Variants in GPR139 observed in about 807,000 individuals in gnomAD.
GPR139 encodes G protein-coupled receptor 139.
GPR139 carries 12 observed loss-of-function variants against 25.8 expected under a neutral mutation model. The observed-to-expected ratio is 0.47, with a 90% CI of 0.30 to 0.75. The LOEUF is 0.75. GPR139 is among the 30% of genes least tolerant of loss of function. The probability of loss-of-function intolerance (pLI) is 0.07; values close to 1 mark genes in which losing one functional copy is unlikely to be tolerated. For missense variants in GPR139, 380 were observed against 450.2 expected (o/e 0.84, Z 1.41); for synonymous variants, 184 against 179.9 (o/e 1.02, Z -0.18).
chr16:20,052,142 C>T (rs1402012379), intron 1 of GPR139, among the ~76,000 whole-genome samples: 1 of 152,206 alleles, frequency 6.6e-6, no homozygotes, highest in African/African-American at 2.4e-5. Context: ...GGGCCTTTGC[C>T]TACGCAGTTC....
Position 20,032,631 on chromosome 16 carries a change from C to T in GPR139, c.166G>A (p.Ala56Thr). The T allele has an allele frequency of 2.5e-6, 4 of 1,610,456 alleles. No homozygotes were observed. The highest frequency in any genetic ancestry group is 3.4e-6 in the Non-Finnish European group (4 of 1,176,822). ...LTVIILSQLV[A>T]RRQKSSYNYL... ...TTGTAGGAGGACTTCTGTCTTCTTG[C>T]CACCAGCTGGGAGAGGATGATCACT... Residue 56 changes from alanine (A) to threonine (T), a missense_variant, in exon 2 of 2, where the codon GCA (alanine) becomes ACA (threonine). Physicochemically the swap from Ala to Thr is moderately conservative, Grantham distance 58 (BLOSUM62 0). Coordinates refer to ENST00000570682, the MANE Select transcript of GPR139 (RefSeq NM_001002911.4).
intron 1 of GPR139, among the ~76,000 whole-genome samples, chr16:20,036,570 T>C (rs114298918): frequency 0.018 from 2,687 of 152,232 alleles, 76 homozygotes; most frequent in African/African-American, 0.06. Flanking sequence ...CAGCAAGAGC[T>C]TGTGCAGGGG....
At chr16:20,062,202 A>C (rs552860740) in intron 1 of GPR139, among the ~76,000 whole-genome samples, 58 of 152,322 alleles carry the variant, frequency 3.8e-4, no homozygotes, top group South Asian at 1.5e-3. Flanking sequence ...TTCCCCACTG[A>C]ACTTGTATTT....
chr16:20,048,112 ATAAC>A (rs1280961053), intron 1 of GPR139, among the ~76,000 whole-genome samples: 1 of 152,210 alleles, frequency 6.6e-6, no homozygotes, highest in Non-Finnish European at 1.5e-5. Context: ...AAATGAATGA[ATAAC>A]TATGAATATA....
chr16:20,066,264 G>T (rs1417220749), intron 1 of GPR139, among the ~76,000 whole-genome samples: 1 of 152,206 alleles, frequency 6.6e-6, no homozygotes, highest in African/African-American at 2.4e-5. Context: ...CCACACGGAG[G>T]TTCAGTGGCA....
At position 20,032,644 on chromosome 16, in the gene GPR139, G is replaced by C; in HGVS notation, c.153C>G (p.Leu51=). ...LPANILTVII[L]SQLVARRQKS... ...TCTGTCTTCTTGCCACCAGCTGGGAGAGGATGATCACTGTCAAGATATTTG... is the reference window on the plus strand; with the variant it reads ...TCTGTCTTCTTGCCACCAGCTGGGACAGGATGATCACTGTCAAGATATTTG... Residue 51 remains leucine (L), a synonymous_variant, in exon 2 of 2, where the codon CTC becomes CTG. Transcript: ENST00000570682. 6.2e-7 allele frequency: 1 copy of C among 1,609,166 alleles called. No individual in the cohort carries two copies. Among genetic ancestry groups the C allele is most frequent in the Non-Finnish European group, 8.5e-7 (1 of 1,175,728 alleles).
intron 1 of GPR139, among the ~76,000 whole-genome samples, chr16:20,067,010 G>T (rs555340947): frequency 1.1e-4 from 17 of 152,308 alleles, no homozygotes; most frequent in African/African-American, 4.1e-4. Context: ...CTTTCTTGCA[G>T]ATGGGAAAAC....
chr16:20,072,394 G>A (rs1312943540), intron 1 of GPR139, among the ~76,000 whole-genome samples: 2 of 152,184 alleles, frequency 1.3e-5, no homozygotes, highest in Admixed American at 1.3e-4. Context: ...AGGATCGCAA[G>A]ATGCTAAGGT....
chr16:20,032,174 T>C lies in GPR139; in HGVS notation c.623A>G (p.Tyr208Cys). 6.2e-7 allele frequency: 1 copy of C among 1,614,152 alleles called. No individual in the cohort carries two copies. Among genetic ancestry groups the C allele is most frequent in the Non-Finnish European group, 8.5e-7 (1 of 1,180,024 alleles). Residue 208 changes from tyrosine (Y) to cysteine (C), a missense_variant, in exon 2 of 2, where the codon TAC becomes TGC. Transcript: ENST00000570682. ...IFFILNSIIV[Y>C]KLRRKSNFRL... ...AAAATTGCTCTTCCTCCTGAGCTTG[T>C]ACACAATGATTGAGTTCAAGATGAA...
At chr16:20,062,669 T>C (rs1327025043) in intron 1 of GPR139, among the ~76,000 whole-genome samples, 1 of 152,222 alleles carries the variant, frequency 6.6e-6, no homozygotes, top group African/African-American at 2.4e-5. Flanking sequence ...TGCCTTTTTT[T>C]CCTTAAATTT....
chr16:20,032,026 G>A lies in GPR139; in HGVS notation c.771C>T (p.Ile257=), dbSNP rs201081294. ...MILYHLYGAP[I]QNRWLVHIMS... Reference sequence around the variant, plus strand: ...TGATGTGTACCAGCCAGCGGTTCTGGATGGGCGCCCCATAGAGGTGGTAAA... The same window carrying A: ...TGATGTGTACCAGCCAGCGGTTCTGAATGGGCGCCCCATAGAGGTGGTAAA... Residue 257 remains isoleucine, a synonymous_variant, in exon 2 of 2, where the codon ATC becomes ATT. Coordinates refer to ENST00000570682, the MANE Select transcript of GPR139 (RefSeq NM_001002911.4). 1 of 1,614,218 alleles carries A rather than the reference G, an allele frequency of 6.2e-7. No homozygotes were observed. The highest frequency in any genetic ancestry group is 2.2e-5 in the East Asian group (1 of 44,878).
At position 20,029,545 on chromosome 16, in the gene GPR139, G is replaced by A. The variant is rs1022611956; in HGVS notation, c.*2190C>T. On this transcript the variant is annotated 3_prime_UTR_variant, in exon 2 of 2. Transcript: ENST00000570682. ...TTTGGTCAATGTCCATTCATAAGGG[G>A]GTGTAGTGGCGTTGCATCACACACA... is the stretch of plus-strand genomic sequence containing the variant. 6.6e-6 allele frequency among the ~76,000 whole-genome samples: 1 copy of A among 151,330 alleles called. No individual in the cohort carries two copies. Among genetic ancestry groups the A allele is most frequent in the Non-Finnish European group, 1.5e-5 (1 of 67,892 alleles).
chr16:20,053,218 T>C (rs2057378315), intron 1 of GPR139, among the ~76,000 whole-genome samples: 1 of 152,130 alleles, frequency 6.6e-6, no homozygotes, highest in African/African-American at 2.4e-5. Flanking sequence ...AGAGGGGGCA[T>C]GGGGAACATT....
chr16:20,072,818 T>C (rs903895710), intron 1 of GPR139, among the ~76,000 whole-genome samples: 2 of 152,212 alleles, frequency 1.3e-5, no homozygotes, highest in Non-Finnish European at 2.9e-5. Flanking sequence ...AAGGAGACTG[T>C]GACCCCCTGA....
In GPR139 at chr16:20,028,836, G is replaced by A. The variant is rs2057276804; in HGVS notation, c.*2899C>T. On this transcript the variant is annotated 3_prime_UTR_variant, in exon 2 of 2. Transcript: ENST00000570682. ...AGCTAGTTAACTGTCTTTGAAAGAG[G>A]CACCACAAAAACCCACGATAAGGCA... Among the ~76,000 whole-genome samples the A allele has an allele frequency of 6.6e-6, 1 of 152,050 alleles. No individual in the cohort carries two copies. Among genetic ancestry groups the A allele is most frequent in the Admixed American group, 6.5e-5 (1 of 15,272 alleles).
Position 20,031,753 on chromosome 16 carries a change from AG to A in GPR139, c.1043del (p.Pro348LeufsTer2). On this transcript the variant is annotated frameshift_variant, in exon 2 of 2. Coordinates refer to ENST00000570682, the MANE Select transcript of GPR139 (RefSeq NM_001002911.4). LOFTEE classifies it high-confidence loss of function. ...LVYQYDKNGK[P>X]IKVSP is the part of the protein sequence containing the mutation. ...TATGGAATCACGGGGATACTTTTAT[AG>A]GTTTTCCATTTTTGTCATACTGGTA... 1.2e-6 allele frequency: 2 copies of A among 1,613,928 alleles called. No homozygotes were observed. Among genetic ancestry groups the A allele is most frequent in the Non-Finnish European group, 1.7e-6 (2 of 1,179,860 alleles).
intron 1 of GPR139, among the ~76,000 whole-genome samples, chr16:20,068,112 AC>A: frequency 6.6e-6 from 1 of 152,056 alleles, no homozygotes; most frequent in South Asian, 2.1e-4. Flanking sequence ...AACAGTGGTT[AC>A]CTCTGTGATG....
At chr16:20,035,360 A>G (rs2057306199) in intron 1 of GPR139, among the ~76,000 whole-genome samples, 4 of 152,306 alleles carry the variant, frequency 2.6e-5, no homozygotes, top group Admixed American at 2.0e-4. Flanking sequence ...TACTGCACAC[A>G]ATGTAGAGAA....
At chr16:20,060,852 G>A (rs1317820833) in intron 1 of GPR139, among the ~76,000 whole-genome samples, 1 of 151,940 alleles carries the variant, frequency 6.6e-6, no homozygotes, top group Admixed American at 6.6e-5. Flanking sequence ...GGCACAGCCT[G>A]CTCCCTTTGT....
Sources: allele counts gnomAD v4.1 joint callset (sites outside exome capture counted in the v4.1 genomes callset), GRCh38; gene constraint gnomAD v4.1.1; transcripts MANE v1.5; gene names NCBI Gene and HGNC (gene_info 2026-07-23, HGNC 2026-07-21).